ASTN2: variants seen among roughly 807,000 people sequenced by gnomAD.
ASTN2 encodes the protein astrotactin 2.
ASTN2 carries 54 observed loss-of-function variants against 139.8 expected under a neutral mutation model. That is an observed-to-expected ratio of 0.39 (90% CI 0.31 to 0.48). ASTN2 has a LOEUF of 0.48. Ranked by LOEUF, ASTN2 falls within the 20% of genes least tolerant of loss-of-function variation. The pLI, the probability that ASTN2 is intolerant of heterozygous loss-of-function variation, is 0.95. For missense variants in ASTN2, 1,565 were observed against 1,725.1 expected (o/e 0.91, Z 1.64); for synonymous variants, 756 against 719.5 (o/e 1.05, Z -0.81).
chr9:116,974,997 A>G (rs141012685), intron 10 of ASTN2, among the ~76,000 whole-genome samples: 114 of 152,322 alleles, frequency 7.5e-4, no homozygotes, highest in Middle Eastern at 3.4e-3. Flanking sequence ...TAATATAACC[A>G]AAAAGGAAAG....
intron 2 of ASTN2, among the ~76,000 whole-genome samples, chr9:117,216,621 A>T (rs1832329205): frequency 5.9e-5 from 9 of 152,346 alleles, no homozygotes; most frequent in Admixed American, 5.2e-4. Context: ...ACCTTAAAAA[A>T]CAACAATGAA....
intron 19 of ASTN2, among the ~76,000 whole-genome samples, chr9:116,564,446 G>A (rs562528797): frequency 6.2e-4 from 95 of 152,292 alleles, no homozygotes; most frequent in Non-Finnish European, 1.2e-3. Flanking sequence ...CAGGTGCCTT[G>A]CTACCCCCAT....
At chr9:117,130,325 A>G (rs1337247623) in intron 4 of ASTN2, among the ~76,000 whole-genome samples, 3 of 152,176 alleles carry the variant, frequency 2.0e-5, no homozygotes, top group Non-Finnish European at 4.4e-5. Flanking sequence ...AAATGAAAAT[A>G]AAAATAAAAA....
At chr9:116,658,366 C>T (rs1858352956) in intron 16 of ASTN2, among the ~76,000 whole-genome samples, 1 of 152,110 alleles carries the variant, frequency 6.6e-6, no homozygotes, top group Non-Finnish European at 1.5e-5. Flanking sequence ...CCAGAGGTTG[C>T]CCAGTGAAAA....
At chr9:117,212,397 A>AT (rs1832164127) in intron 3 of ASTN2, among the ~76,000 whole-genome samples, 1 of 152,160 alleles carries the variant, frequency 6.6e-6, no homozygotes. Context: ...AGAAAAAAAA[A>AT]GCAAAAGTAG....
chr9:116,664,805 G>A (rs1858766395), intron 16 of ASTN2, among the ~76,000 whole-genome samples: 1 of 152,122 alleles, frequency 6.6e-6, no homozygotes, highest in African/African-American at 2.4e-5. Context: ...AACACAAAAT[G>A]ATCTGCGAAT....
intron 17 of ASTN2, among the ~76,000 whole-genome samples, chr9:116,621,458 C>G (rs1007602771): frequency 9.9e-5 from 15 of 152,096 alleles, no homozygotes; most frequent in Middle Eastern, 3.4e-3. Context: ...CACACACACA[C>G]ACACACATTC....
chr9:116,635,444 T>C (rs1395836374), intron 17 of ASTN2, among the ~76,000 whole-genome samples: 1 of 152,236 alleles, frequency 6.6e-6, no homozygotes, highest in African/African-American at 2.4e-5. Flanking sequence ...ATGTAATTAA[T>C]GCTCTCCTGA....
intron 13 of ASTN2, among the ~76,000 whole-genome samples, chr9:116,770,557 C>A (rs754041412): frequency 3.6e-4 from 55 of 152,118 alleles, no homozygotes; most frequent in Admixed American, 2.0e-4. Context: ...ATCCCTGGCT[C>A]TTTCTCTATA....
At chr9:117,288,137 G>A (rs976993776) in intron 2 of ASTN2, among the ~76,000 whole-genome samples, 2 of 152,212 alleles carry the variant, frequency 1.3e-5, no homozygotes, top group Non-Finnish European at 2.9e-5. Context: ...CAGAGGACAA[G>A]AGGAGATGAC....
chr9:117,215,441 C>T (rs1832281974), intron 2 of ASTN2, among the ~76,000 whole-genome samples: 1 of 146,876 alleles, frequency 6.8e-6, no homozygotes, highest in Non-Finnish European at 1.5e-5. Flanking sequence ...TTCTAGGGCT[C>T]CTTTAATAAG....
chr9:116,462,070 C>T (rs763497754), intron 20 of ASTN2, among the ~76,000 whole-genome samples: 6 of 152,090 alleles, frequency 3.9e-5, no homozygotes, highest in Middle Eastern at 3.2e-3. Context: ...GCATGATTTG[C>T]CCAAGCTCAT....
chr9:117,144,441 A>G (rs1318559678), intron 3 of ASTN2, among the ~76,000 whole-genome samples: 1 of 152,150 alleles, frequency 6.6e-6, no homozygotes, highest in Non-Finnish European at 1.5e-5. Context: ...CAGGCAGCCC[A>G]GGACAGCTTT....
intron 5 of ASTN2, among the ~76,000 whole-genome samples, chr9:117,071,806 G>C (rs560325734): frequency 6.6e-6 from 1 of 151,866 alleles, no homozygotes; most frequent in African/African-American, 2.4e-5. Flanking sequence ...TCTTTGACTC[G>C]GAAAGGGAAC....
chr9:117,144,515 C>T (rs1830145854), intron 3 of ASTN2, among the ~76,000 whole-genome samples: 1 of 151,942 alleles, frequency 6.6e-6, no homozygotes, highest in Non-Finnish European at 1.5e-5. Flanking sequence ...ATTTCTTTTG[C>T]TCAGAAGGTA....
intron 22 of ASTN2, 99 bp downstream of exon 22, chr9:116,440,510 C>T (rs1847809176): frequency 2.6e-6 from 3 of 1,142,770 alleles, no homozygotes; most frequent in Admixed American, 4.8e-5. Flanking sequence ...CCCTTATTTA[C>T]TTGATAAAGC....
chr9:116,605,846 T>C (rs1855165750), intron 19 of ASTN2, among the ~76,000 whole-genome samples: 2 of 152,110 alleles, frequency 1.3e-5, no homozygotes, highest in African/African-American at 2.4e-5. Flanking sequence ...TATGAACTAG[T>C]GAAAAATCTT....
chr9:116,884,839 G>A (rs762027595), intron 10 of ASTN2, among the ~76,000 whole-genome samples: 7 of 104,990 alleles, frequency 6.7e-5, no homozygotes, highest in Non-Finnish European at 8.7e-5. Context: ...TTTTTGAGAC[G>A]GAGTCGCACT....
chr9:117,244,052 T>G (rs1833293674), intron 2 of ASTN2, among the ~76,000 whole-genome samples: 1 of 152,158 alleles, frequency 6.6e-6, no homozygotes. Context: ...TGAGTTCTCA[T>G]GAGATATGAT....
Sources: gnomAD v4.1 joint callset for allele counts (sites outside exome capture counted in the v4.1 genomes callset) on GRCh38, gnomAD v4.1.1 for gene constraint, MANE v1.5 for transcripts, NCBI Gene and HGNC (gene_info 2026-07-23, HGNC 2026-07-21) for gene names.